RNF13: variants seen among roughly 807,000 people sequenced by gnomAD.
RNF13 encodes the protein E3 ubiquitin-protein ligase RNF13.
A neutral mutation model predicts 37.7 loss-of-function variants in RNF13; 19 were observed. The observed-to-expected ratio is 0.50, with a 90% CI of 0.35 to 0.74. The LOEUF (loss-of-function observed/expected upper bound fraction) is 0.74. Ranked by LOEUF, RNF13 falls within the 30% of genes least tolerant of loss-of-function variation. RNF13 has a pLI of 0.01. For missense variants in RNF13, 375 were observed against 453.0 expected, an observed-to-expected ratio of 0.83 and a Z score of 1.56; for synonymous variants, 144 against 157.8, an observed-to-expected ratio of 0.91 and a Z score of 0.65.
intron 1 of RNF13, among the ~76,000 whole-genome samples, chr3:149,837,695 C>T (rs1721764462): frequency 6.6e-6 from 1 of 152,152 alleles, no homozygotes; most frequent in African/African-American, 2.4e-5. Context: ...TTACCTCCTG[C>T]CGGGTCCCTC....
intron 8 of RNF13, among the ~76,000 whole-genome samples, chr3:149,942,226 T>G (rs935584183): frequency 1.3e-5 from 2 of 152,198 alleles, no homozygotes; most frequent in Non-Finnish European, 2.9e-5. Context: ...TTTTTCTGTT[T>G]CTGCAAAAAA....
At chr3:149,903,982 C>T (rs903599545) in intron 6 of RNF13, among the ~76,000 whole-genome samples, 3 of 129,582 alleles carry the variant, frequency 2.3e-5, no homozygotes, top group Non-Finnish European at 3.5e-5. Context: ...TATCTATCTA[C>T]CTACCTACCT....
intron 8 of RNF13, among the ~76,000 whole-genome samples, chr3:149,940,115 G>A (rs1720106692): frequency 6.6e-6 from 1 of 151,882 alleles, no homozygotes; most frequent in Admixed American, 6.6e-5. Flanking sequence ...TTCATCATTT[G>A]TGGTTTTAAT....
At chr3:149,941,646 C>T (rs1349321565) in intron 8 of RNF13, among the ~76,000 whole-genome samples, 4 of 151,218 alleles carry the variant, frequency 2.6e-5, no homozygotes, top group Admixed American at 6.6e-5. Context: ...CATAAGCTGC[C>T]CCTTCACTCT....
At chr3:149,891,225 A>G (rs1393614502) in intron 4 of RNF13, among the ~76,000 whole-genome samples, 1 of 152,236 alleles carries the variant, frequency 6.6e-6, no homozygotes, top group Admixed American at 6.5e-5. Flanking sequence ...ATAGAAAAGA[A>G]TATCTACATT....
intron 8 of RNF13, among the ~76,000 whole-genome samples, chr3:149,940,001 T>C (rs1720095987): frequency 6.6e-6 from 1 of 152,192 alleles, no homozygotes; most frequent in Admixed American, 6.5e-5. Context: ...ATTTAGGACA[T>C]AGATATTTAA....
At chr3:149,904,541 A>C (rs1716198650) in intron 6 of RNF13, among the ~76,000 whole-genome samples, 1 of 152,070 alleles carries the variant, frequency 6.6e-6, no homozygotes, top group African/African-American at 2.4e-5. Flanking sequence ...TCTTTTTTTA[A>C]AAGAAAGTGA....
At chr3:149,834,460 TG>T (rs1323737571) in intron 1 of RNF13, among the ~76,000 whole-genome samples, 1 of 152,254 alleles carries the variant, frequency 6.6e-6, no homozygotes, top group East Asian at 1.9e-4. Flanking sequence ...AAATAACTTT[TG>T]ACAGAAGTCC....
Position 149,852,413 on chromosome 3 carries a change from T to A in RNF13, c.115-103T>A, listed in dbSNP as rs201686090. The A allele has an allele frequency of 1.0e-3, 493 of 488,896 alleles. 2 individuals carry two copies. The East Asian group carries it at 0.012, about 12-fold the overall frequency. 30.3% of individuals were successfully genotyped at this position (488,896 alleles called of 1,614,324 possible). On this transcript the variant is annotated intron_variant, in intron 2 of 9. Coordinates refer to ENST00000392894, the MANE Select transcript of RNF13 (RefSeq NM_183381.3). ...TTATTTTGATAAGCTGTGATAGTAATCAGAATTGTCAAAATAATAATTATA... is the reference window on the plus strand; with the variant it reads ...TTATTTTGATAAGCTGTGATAGTAAACAGAATTGTCAAAATAATAATTATA...
chr3:149,857,702 G>C lies in RNF13; in HGVS notation c.195+5106G>C, dbSNP rs190822644. Among the ~76,000 whole-genome samples, 156 of 152,266 alleles carry C rather than the reference G, an allele frequency of 1.0e-3. 2 individuals are homozygous for C. The highest frequency in any genetic ancestry group is 1.6e-4 in the Non-Finnish European group (11 of 68,022). On this transcript the variant is annotated intron_variant, in intron 3 of 9. Transcript: ENST00000392894. ...ACTTTCCTACGTCCTCAAAAAATTG[G>C]TAAAGATTACCTTTCCCCATCCCCT...
chr3:149,832,960 C>T (rs2108342941), intron 1 of RNF13, among the ~76,000 whole-genome samples: 1 of 152,138 alleles, frequency 6.6e-6, no homozygotes, highest in East Asian at 1.9e-4. Flanking sequence ...GAAGAATCAA[C>T]ATCAATTTTT....
At chr3:149,893,581 C>T (rs557838247) in intron 4 of RNF13, among the ~76,000 whole-genome samples, 1 of 152,276 alleles carries the variant, frequency 6.6e-6, no homozygotes, top group Admixed American at 6.5e-5. Flanking sequence ...GAAGTCTGTA[C>T]TGCCATGGTA....
chr3:149,859,865 A>C (rs1724043055), intron 3 of RNF13, among the ~76,000 whole-genome samples: 1 of 152,166 alleles, frequency 6.6e-6, no homozygotes, highest in Non-Finnish European at 1.5e-5. Context: ...CAGAAATAGA[A>C]AAAACTATCT....
chr3:149,910,352 T>C (rs969726656), intron 6 of RNF13, among the ~76,000 whole-genome samples: 1 of 152,202 alleles, frequency 6.6e-6, no homozygotes, highest in Non-Finnish European at 1.5e-5. Flanking sequence ...GTGAAATCCT[T>C]TGTCATCCCC....
chr3:149,825,264 C>T (rs1688059978), intron 1 of RNF13, among the ~76,000 whole-genome samples: 1 of 151,768 alleles, frequency 6.6e-6, no homozygotes, highest in Non-Finnish European at 1.5e-5. Flanking sequence ...GTAACCTCTG[C>T]CTCCTGGGCT....
At chr3:149,905,502 T>C (rs1411833354) in intron 6 of RNF13, among the ~76,000 whole-genome samples, 1 of 151,974 alleles carries the variant, frequency 6.6e-6, no homozygotes, top group Non-Finnish European at 1.5e-5. Context: ...TTTTTTAATA[T>C]TACTTTTTTT....
At chr3:149,958,146 G>T (rs879887055) in intron 8 of RNF13, among the ~76,000 whole-genome samples, 5 of 152,158 alleles carry the variant, frequency 3.3e-5, no homozygotes, top group Non-Finnish European at 7.3e-5. Context: ...ACCTGTATTA[G>T]TTTCCTATTT....
chr3:149,900,183 A>C (rs1475877730), intron 5 of RNF13, among the ~76,000 whole-genome samples: 1 of 152,222 alleles, frequency 6.6e-6, no homozygotes, highest in African/African-American at 2.4e-5. Flanking sequence ...TTTAGATGTC[A>C]TAATTCAAAG....
intron 4 of RNF13, among the ~76,000 whole-genome samples, chr3:149,872,956 A>G (rs1461787387): frequency 3.3e-5 from 5 of 152,218 alleles, no homozygotes; most frequent in Non-Finnish European, 5.9e-5. Context: ...TACTGTATAA[A>G]TGATAGTTAT....
Sources: allele counts gnomAD v4.1 joint callset (sites outside exome capture counted in the v4.1 genomes callset), GRCh38; gene constraint gnomAD v4.1.1; transcripts MANE v1.5; gene names NCBI Gene and HGNC (gene_info 2026-07-23, HGNC 2026-07-21).